Variants in SMG7 observed in about 807,000 individuals in gnomAD.
SMG7 encodes the protein nonsense-mediated mRNA decay factor SMG7.
Under a neutral mutation model 148.2 loss-of-function variants are expected in SMG7, and 34 were observed. The ratio of observed to expected loss-of-function variants is 0.23; its 90% CI spans 0.17 to 0.31. The LOEUF (loss-of-function observed/expected upper bound fraction) is 0.31, where lower values mean the gene tolerates loss of function less well. Ranked by LOEUF, SMG7 falls within the 10% of genes least tolerant of loss-of-function variation. The probability of loss-of-function intolerance (pLI) is 1.00; values close to 1 mark genes in which losing one functional copy is unlikely to be tolerated. For synonymous variants in SMG7, 492 were observed against 515.1 expected (o/e 0.96, Z 0.61); for missense variants, 1,114 against 1,408.4 (o/e 0.79, Z 3.35).
intron 18 of SMG7, 59 bp from the exon 19 acceptor site, chr1:183,549,149 A>G: frequency 7.7e-7 from 1 of 1,291,596 alleles, no homozygotes; most frequent in Non-Finnish European, 1.1e-6. Context: ...GTATGGTAAG[A>G]TTAATATTAA....
At chr1:183,526,180 GCT>G (rs1665819945) in intron 4 of SMG7, among the ~76,000 whole-genome samples, 1 of 144,554 alleles carries the variant, frequency 6.9e-6, no homozygotes, top group African/African-American at 2.6e-5. Context: ...AGACAGTCTT[GCT>G]CTCTCACCCA....
At position 183,546,130 on chromosome 1, in the gene SMG7, A is replaced by C; in HGVS notation, c.2535A>C (p.Leu845=). ...LQPPVMQQQP[L]EKKMKPFPME... is the part of the protein sequence containing the mutation. ...CTCCTGTAATGCAGCAGCAGCCTCT[A>C]GAAAAAAAAATGAAGCCTTTTCCCA... is the stretch of plus-strand genomic sequence containing the variant. Residue 845 remains leucine (L), a synonymous_variant, in exon 17 of 23, where the codon CTA becomes CTC. Transcript: ENST00000688051. 6.2e-7 allele frequency: 1 copy of C among 1,614,022 alleles called. No individual in the cohort carries two copies. Among genetic ancestry groups the C allele is most frequent in the Non-Finnish European group, 8.5e-7 (1 of 1,179,968 alleles).
chr1:183,537,049 A>G (rs1424709661), intron 10 of SMG7, 96 bp from the exon 11 acceptor site: 1 of 783,858 alleles, frequency 1.3e-6, no homozygotes, highest in African/African-American at 1.7e-5. Flanking sequence ...AAAAATACAT[A>G]AAGTCCAGGA....
intron 4 of SMG7, among the ~76,000 whole-genome samples, chr1:183,521,858 CAAA>C (rs35144368): frequency 9.3e-5 from 12 of 129,174 alleles, no homozygotes; most frequent in African/African-American, 8.5e-5. Flanking sequence ...GACCTTGTCT[CAAA>C]AAAAAAAAAA....
chr1:183,547,521 G>A (rs953605200), intron 18 of SMG7, among the ~76,000 whole-genome samples: 3 of 152,200 alleles, frequency 2.0e-5, no homozygotes, highest in Non-Finnish European at 4.4e-5. Context: ...TCACACACAC[G>A]ATGTGATGGT....
In SMG7 at chr1:183,551,996, G is replaced by A; in HGVS notation, c.*65G>A. ...ATGGCATGTTGGGTTTGCAGGACTG[G>A]CCCACACAGTCCCCTGCAGGTGGCA... On this transcript the variant is annotated 3_prime_UTR_variant, in exon 23 of 23. Coordinates refer to ENST00000688051, the MANE Select transcript of SMG7 (RefSeq NM_001375584.1). 8 of 1,555,032 alleles carry A rather than the reference G, an allele frequency of 5.1e-6. No homozygotes were observed. Among genetic ancestry groups the A allele is most frequent in the Non-Finnish European group, 7.0e-6 (8 of 1,144,958 alleles).
At chr1:183,492,089 G>A (rs936681692) in intron 1 of SMG7, among the ~76,000 whole-genome samples, 3 of 152,186 alleles carry the variant, frequency 2.0e-5, no homozygotes, top group Non-Finnish European at 4.4e-5. Context: ...CATGAATTTT[G>A]GAGGAGGAGG....
chr1:183,547,743 CT>C (rs1412945487), intron 18 of SMG7, among the ~76,000 whole-genome samples: 5 of 151,960 alleles, frequency 3.3e-5, no homozygotes, highest in Non-Finnish European at 7.4e-5. Context: ...GAGCCCTGAT[CT>C]AAATTCAAAG....
chr1:183,528,345 A>G (rs1051214729), intron 6 of SMG7, among the ~76,000 whole-genome samples: 1 of 152,124 alleles, frequency 6.6e-6, no homozygotes, highest in Non-Finnish European at 1.5e-5. Flanking sequence ...TTATTTCTTT[A>G]GATACCACCA....
chr1:183,477,399 TG>T (rs1348578619), intron 1 of SMG7, among the ~76,000 whole-genome samples: 1 of 52,744 alleles, frequency 1.9e-5, no homozygotes, highest in African/African-American at 3.9e-5. Context: ...TGTTTTGTTT[TG>T]TGTGTGTGTG....
chr1:183,499,302 G>A (rs1659246002), intron 1 of SMG7, among the ~76,000 whole-genome samples: 1 of 152,160 alleles, frequency 6.6e-6, no homozygotes, highest in South Asian at 2.1e-4. Flanking sequence ...GTAAGATTAT[G>A]TTTAGCTTTG....
intron 13 of SMG7, among the ~76,000 whole-genome samples, chr1:183,541,750 A>G (rs1489109017): frequency 6.6e-6 from 1 of 152,200 alleles, no homozygotes; most frequent in Non-Finnish European, 1.5e-5. Flanking sequence ...TTTCACATCT[A>G]TAGAATAGGA....
intron 4 of SMG7, among the ~76,000 whole-genome samples, chr1:183,519,477 C>T (rs1372889425): frequency 6.6e-6 from 1 of 151,206 alleles, no homozygotes; most frequent in Non-Finnish European, 1.5e-5. Context: ...TTGTAAGGCA[C>T]GATACTAGAT....
chr1:183,515,859 G>T lies in SMG7; in HGVS notation c.62-15G>T, dbSNP rs778956940. The T allele has an allele frequency of 6.4e-7, 1 of 1,566,302 alleles. No individual in the cohort carries two copies. Among genetic ancestry groups the T allele is most frequent in the African/African-American group, 1.4e-5 (1 of 73,988 alleles). Reference sequence around the variant, plus strand: ...TTTATCTATCTACCGTTATGTTTTTGTTTTTGTTACTCAGATTCTAAGCTG... The same window carrying T: ...TTTATCTATCTACCGTTATGTTTTTTTTTTTGTTACTCAGATTCTAAGCTG... On this transcript the variant is annotated splice_polypyrimidine_tract_variant and intron_variant, in intron 2 of 22. Coordinates refer to ENST00000688051, the MANE Select transcript of SMG7 (RefSeq NM_001375584.1).
chr1:183,517,627 G>A, intron 3 of SMG7, 61 bp from the exon 4 acceptor site: 1 of 1,520,476 alleles, frequency 6.6e-7, no homozygotes, highest in Non-Finnish European at 9.1e-7. Flanking sequence ...TGTTCTCAGG[G>A]GGACCAGTGT....
chr1:183,491,244 C>A (rs1656897477), intron 1 of SMG7, among the ~76,000 whole-genome samples: 1 of 152,188 alleles, frequency 6.6e-6, no homozygotes, highest in Non-Finnish European at 1.5e-5. Context: ...ATAAAACATG[C>A]CAAGCAATTA....
rs150677184 is a variant in SMG7, at chr1:183,544,408, C to T, written c.1898C>T (p.Pro633Leu). 198 of 1,613,780 alleles carry T rather than the reference C, an allele frequency of 1.2e-4. No homozygotes were observed. The highest frequency in any genetic ancestry group is 1.6e-4 in the Non-Finnish European group (194 of 1,179,842). ...CCAGTGTCTGAAGCCAGAAAAACAC[C>T]TGTAACTCAAACCCCAACTCAAGCA... Reference protein sequence around the residue: ...KTPVSEARKTPVTQTPTQASN... With the variant: ...KTPVSEARKTLVTQTPTQASN... Residue 633 changes from proline (P) to leucine (L), a missense_variant, in exon 15 of 23, where the codon CCT (proline) becomes CTT (leucine). Transcript: ENST00000688051.
At chr1:183,528,195 T>C (rs2102592869) in intron 6 of SMG7, among the ~76,000 whole-genome samples, 168 bp downstream of exon 6, 1 of 152,308 alleles carries the variant, frequency 6.6e-6, no homozygotes, top group African/African-American at 2.4e-5. Context: ...AAAATGAATT[T>C]TTTTTACAAG....
chr1:183,488,969 C>T (rs1656229539), intron 1 of SMG7, among the ~76,000 whole-genome samples: 1 of 152,148 alleles, frequency 6.6e-6, no homozygotes. Context: ...CAGGCTTGAG[C>T]CACCACGCCT....
Sources: gnomAD v4.1 joint callset for allele counts (sites outside exome capture counted in the v4.1 genomes callset) on GRCh38, gnomAD v4.1.1 for gene constraint, MANE v1.5 for transcripts, NCBI Gene and HGNC (gene_info 2026-07-23, HGNC 2026-07-21) for gene names.